The following NOC3L variants were observed in gnomAD, a reference collection of about 807,000 sequenced individuals.
NOC3L encodes the protein NOC3 like DNA replication regulator.
Under a neutral mutation model 102.5 loss-of-function variants are expected in NOC3L, and 85 were observed. The ratio of observed to expected loss-of-function variants is 0.83; its 90% CI spans 0.70 to 0.99. The LOEUF (loss-of-function observed/expected upper bound fraction) is 0.99, where lower values mean the gene tolerates loss of function less well. NOC3L is among the 50% of genes least tolerant of loss of function. The probability of loss-of-function intolerance (pLI) is 0.00; values close to 1 mark genes in which losing one functional copy is unlikely to be tolerated. For synonymous variants in NOC3L, 303 were observed against 309.4 expected (o/e 0.98, Z 0.22); for missense variants, 878 against 914.9 (o/e 0.96, Z 0.52).
chr10:94,354,581 T>A (rs1187540337), intron 6 of NOC3L, among the ~76,000 whole-genome samples: 1 of 152,242 alleles, frequency 6.6e-6, no homozygotes, highest in Admixed American at 6.5e-5. Flanking sequence ...CCTGAACTAA[T>A]TCCATACACT....
Position 94,356,606 on chromosome 10 carries a change from T to C in NOC3L, c.509-15A>G, listed in dbSNP as rs1039974567. 6.8e-7 allele frequency: 1 copy of C among 1,463,498 alleles called. No individual in the cohort carries two copies. The highest frequency in any genetic ancestry group is 1.1e-5 in the South Asian group (1 of 87,736). The allele number at this position is 1,463,498 out of a possible 1,614,324, so 90.7% of individuals were successfully genotyped here. On this transcript the variant is annotated splice_polypyrimidine_tract_variant and intron_variant, in intron 4 of 20. Coordinates refer to ENST00000371361, the MANE Select transcript of NOC3L (RefSeq NM_022451.11). ...ACTATCAGTAACTATATGGAAAACA[T>C]ATGTATTAAAACTGTGATATATACT...
intron 20 of NOC3L, 105 bp downstream of exon 20, chr10:94,334,529 T>TA (rs376203023): frequency 0.054 from 33,129 of 608,028 alleles, 50 homozygotes; most frequent in South Asian, 0.068. Flanking sequence ...TCCTAAACAT[T>TA]AAAAAAAAAA....
chr10:94,362,736 C>T lies in NOC3L; in HGVS notation c.9+94G>A, dbSNP rs540986470. The T allele has an allele frequency of 4.9e-4, 679 of 1,387,208 alleles. 5 individuals carry two copies. In the South Asian group the frequency reaches 7.4e-3, roughly 15 times the overall value. 85.9% of individuals were successfully genotyped at this position (1,387,208 alleles called of 1,614,324 possible). ...AGTCTAAACCACCGCCCCCTAGACACGGGTGAAAACCTGCCTAAAAGCTAA... is the reference window on the plus strand; with the variant it reads ...AGTCTAAACCACCGCCCCCTAGACATGGGTGAAAACCTGCCTAAAAGCTAA... On this transcript the variant is annotated intron_variant, in intron 1 of 20. Transcript: ENST00000371361.
In NOC3L at chr10:94,349,282, C is replaced by G. The variant is rs769230513; in HGVS notation, c.1225G>C (p.Val409Leu). 2 of 1,581,116 alleles carry G rather than the reference C, an allele frequency of 1.3e-6. No homozygotes were observed. The highest frequency in any genetic ancestry group is 1.7e-6 in the Non-Finnish European group (2 of 1,169,974). ...CTAACTTCGTAATTTCTGCCCTTCA[C>G]AAAACCAGAAATCACTTTAATTACA... ...LGVIKVISGFVKGRNYEVRPE... is the reference protein window; with the variant it reads ...LGVIKVISGFLKGRNYEVRPE... Residue 409 changes from valine (V) to leucine (L), a missense_variant, in exon 10 of 21, where the codon GTG (valine) becomes CTG (leucine). Coordinates refer to ENST00000371361, the MANE Select transcript of NOC3L (RefSeq NM_022451.11).
chr10:94,355,884 T>C (rs1321376527), intron 5 of NOC3L, among the ~76,000 whole-genome samples: 3 of 152,162 alleles, frequency 2.0e-5, no homozygotes, highest in Non-Finnish European at 4.4e-5. Flanking sequence ...AGGAAATTCA[T>C]AGGGAACTAG....
chr10:94,332,500 T>C (rs1282482117), downstream of NOC3L: 1 of 113,608 alleles, frequency 8.8e-6, no homozygotes, highest in East Asian at 2.6e-4. Flanking sequence ...AGGATATGTG[T>C]GTGCCTGTGT....
intron 13 of NOC3L, among the ~76,000 whole-genome samples, chr10:94,343,989 A>G (rs1398229484): frequency 6.6e-6 from 1 of 152,206 alleles, no homozygotes; most frequent in Non-Finnish European, 1.5e-5. Flanking sequence ...CAAGGCCATT[A>G]GTGTTGAGTG....
At chr10:94,353,210 A>T (rs1343656533) in intron 6 of NOC3L, among the ~76,000 whole-genome samples, 153 bp from the exon 7 acceptor site, 1 of 152,240 alleles carries the variant, frequency 6.6e-6, no homozygotes, top group African/African-American at 2.4e-5. Flanking sequence ...TGCTCACTTT[A>T]CCAAGAGATA....
chr10:94,321,959 A>G, the NOC3L span: 2 of 1,613,868 alleles, frequency 1.2e-6, no homozygotes, highest in Non-Finnish European at 8.5e-7. Context: ...AGCTCAGAGG[A>G]GGAGAGTTTC....
intron 6 of NOC3L, 89 bp downstream of exon 6, chr10:94,354,873 TG>T: frequency 7.8e-7 from 1 of 1,285,726 alleles, no homozygotes; most frequent in East Asian, 2.3e-5. Flanking sequence ...TTCCTTTTAG[TG>T]TATGCTTATA....
chr10:94,324,246 T>C, the NOC3L span: 1 of 885,450 alleles, frequency 1.1e-6, no homozygotes, highest in Non-Finnish European at 1.9e-6. Context: ...ATCCCCTTCA[T>C]CTCTAGTCTG....
rs749849997 is a variant in NOC3L, at chr10:94,358,110, G to T, written c.323C>A (p.Ser108Tyr). The change falls in exon 3 of 21, where the codon TCT becomes TAT. Residue 108 changes from serine to tyrosine, a missense_variant. Ser to Tyr is a moderately radical substitution (Grantham distance 144). Coordinates refer to ENST00000371361, the MANE Select transcript of NOC3L (RefSeq NM_022451.11). The part of the protein sequence containing the change: ...QLMKDLGQRV[S>Y]FLTRDLSSSE... ...AGAAGAAAGATCTCTTGTTAGAAAA[G>T]ATACTCTTTGTCCTAAATCCTTCAT... 1.2e-6 allele frequency: 2 copies of T among 1,603,174 alleles called. No individual in the cohort carries two copies. Among genetic ancestry groups the T allele is most frequent in the East Asian group, 2.2e-5 (1 of 44,840 alleles).
At chr10:94,332,505 C>CTGTGTGTGTGTGTGTG (rs10537252), downstream of NOC3L, 39 of 145,802 alleles carry the variant, frequency 2.7e-4, no homozygotes, top group African/African-American at 4.8e-4. Flanking sequence ...ATGTGTGTGC[C>CTGTGTGTGTGTGTGTG]TGTGTGTGTG....
the NOC3L span, among the ~76,000 whole-genome samples, chr10:94,327,687 C>T: frequency 3.9e-5 from 6 of 152,112 alleles, no homozygotes; most frequent in Non-Finnish European, 7.4e-5. Context: ...TGAAGGAATT[C>T]CACCTTTTCT....
the NOC3L span, chr10:94,316,432 A>C: frequency 1.4e-6 from 1 of 707,668 alleles, no homozygotes; most frequent in Non-Finnish European, 2.6e-6. Context: ...ATTATGCAAT[A>C]CTCTAGAGTA....
At chr10:94,359,818 A>G (rs180897458) in intron 2 of NOC3L, among the ~76,000 whole-genome samples, 3 of 152,218 alleles carry the variant, frequency 2.0e-5, no homozygotes, top group African/African-American at 4.8e-5. Flanking sequence ...ACCACTATGG[A>G]GAAAAGTTTG....
intron 8 of NOC3L, 60 bp from the exon 9 acceptor site, chr10:94,350,348 T>A: frequency 7.0e-7 from 1 of 1,436,514 alleles, no homozygotes; most frequent in Admixed American, 1.7e-5. Flanking sequence ...CTAATTGGCT[T>A]TCTTTTACAA....
chr10:94,344,468 C>T lies in NOC3L; in HGVS notation c.1518G>A (p.Leu506=). 1 of 1,613,834 alleles carries T rather than the reference C, an allele frequency of 6.2e-7. No homozygotes were observed. Among genetic ancestry groups the T allele is most frequent in the Non-Finnish European group, 8.5e-7 (1 of 1,179,808 alleles). The stretch of plus-strand genomic sequence containing the variant: ...GGAGAGGTGACCTCTGGGCCTTCTT[C>T]AATATTCTGAAGTAGGTTACAAACA... The part of the protein sequence containing the change: ...NIVFVTYFRI[L]KKAQRSPLLP... The change falls in exon 13 of 21, where the codon TTG becomes TTA. Residue 506 remains leucine (L), a synonymous_variant. Transcript: ENST00000371361.
the NOC3L span, among the ~76,000 whole-genome samples, chr10:94,326,792 C>T: frequency 6.6e-6 from 1 of 152,296 alleles, no homozygotes; most frequent in Admixed American, 6.5e-5. Flanking sequence ...AATGGATTCA[C>T]ATGACTTTTT....
Sources: allele counts gnomAD v4.1 joint callset (sites outside exome capture counted in the v4.1 genomes callset), GRCh38; gene constraint gnomAD v4.1.1; transcripts MANE v1.5; gene names NCBI Gene and HGNC (gene_info 2026-07-23, HGNC 2026-07-21).